SYDE2: variants seen among roughly 807,000 people sequenced by gnomAD.
The protein encoded by SYDE2 is synapse defective Rho GTPase homolog 2.
Under a neutral mutation model 91.5 loss-of-function variants are expected in SYDE2, and 76 were observed. The observed-to-expected ratio is 0.83, with a 90% CI of 0.69 to 1.01. SYDE2 has a LOEUF of 1.01. Ranked by LOEUF, SYDE2 falls within the 50% of genes least tolerant of loss-of-function variation. The pLI is 0.00. For missense variants in SYDE2, 1,364 were observed against 1,367.7 expected (o/e 1.00, Z 0.04); for synonymous variants, 513 against 506.4 (o/e 1.01, Z -0.18).
In SYDE2 at chr1:85,177,743, C is replaced by T. The variant is rs115061438; in HGVS notation, c.2671+403G>A. Among the ~76,000 whole-genome samples the T allele has an allele frequency of 8.1e-3, 1,227 of 152,242 alleles. 13 individuals carry two copies. The highest frequency in any genetic ancestry group is 0.028 in the African/African-American group (1,165 of 41,546). On this transcript the variant is annotated intron_variant, in intron 4 of 6. Coordinates refer to ENST00000341460, the MANE Select transcript of SYDE2 (RefSeq NM_032184.2). ...CCTGAAAATAATCTCTATGATATCA[C>T]TCCCCCACTCAAAAAATCTTAATGG...
intron 4 of SYDE2, among the ~76,000 whole-genome samples, chr1:85,177,182 T>C (rs1166764980): frequency 1.3e-5 from 2 of 152,160 alleles, no homozygotes; most frequent in Non-Finnish European, 2.9e-5. Flanking sequence ...CTTTTCAAAC[T>C]TTATGGACAA....
intron 5 of SYDE2, among the ~76,000 whole-genome samples, chr1:85,166,069 T>C (rs1176947672): frequency 6.6e-6 from 1 of 151,884 alleles, no homozygotes; most frequent in Non-Finnish European, 1.5e-5. Context: ...AGGCCAGGCA[T>C]GTGGCTCTTG....
intron 1 of SYDE2, among the ~76,000 whole-genome samples, chr1:85,198,440 T>C (rs1393755244): frequency 2.0e-5 from 3 of 152,174 alleles, no homozygotes; most frequent in East Asian, 1.9e-4. Flanking sequence ...ATTATTTTCA[T>C]CTCTCCTGAA....
chr1:85,200,247 C>T lies in SYDE2; in HGVS notation c.745+5G>A, dbSNP rs775450566. On this transcript the variant is annotated splice_donor_5th_base_variant and intron_variant, in intron 1 of 6. Coordinates refer to ENST00000341460, the MANE Select transcript of SYDE2 (RefSeq NM_032184.2). ...TGCTAGCATTTTCATCGCAAAGTAT[C>T]CTACCTGTCAGCGTAATTCTTTGGT... is the stretch of plus-strand genomic sequence containing the variant. The T allele has an allele frequency of 6.2e-7, 1 of 1,613,860 alleles. No individual in the cohort carries two copies. Among genetic ancestry groups the T allele is most frequent in the South Asian group, 1.1e-5 (1 of 91,070 alleles).
intron 6 of SYDE2, among the ~76,000 whole-genome samples, chr1:85,163,471 AT>A (rs1222585669): frequency 4.2e-5 from 6 of 142,174 alleles, no homozygotes; most frequent in African/African-American, 1.5e-4. Flanking sequence ...ATATATATAT[AT>A]ATATATATAA....
chr1:85,172,361 A>G (rs1657532668), intron 4 of SYDE2, among the ~76,000 whole-genome samples: 1 of 152,188 alleles, frequency 6.6e-6, no homozygotes, highest in Non-Finnish European at 1.5e-5. Flanking sequence ...AGCTGATAGG[A>G]AAACATACAA....
intron 1 of SYDE2, 184 bp downstream of exon 1, chr1:85,200,068 C>A: frequency 2.4e-6 from 2 of 846,420 alleles, no homozygotes; most frequent in Non-Finnish European, 2.8e-6. Flanking sequence ...AAAAGCAAAA[C>A]GAGTAAATGC....
intron 1 of SYDE2, among the ~76,000 whole-genome samples, chr1:85,199,662 A>G (rs1262097197): frequency 6.6e-6 from 1 of 152,014 alleles, no homozygotes; most frequent in East Asian, 1.9e-4. Flanking sequence ...GAGATGGTGT[A>G]TGTGAAATAC....
At position 85,169,805 on chromosome 1, in the gene SYDE2, C is replaced by A. The variant is rs185599904; in HGVS notation, c.2672-580G>T. Among the ~76,000 whole-genome samples, 10 of 152,036 alleles carry A rather than the reference C, an allele frequency of 6.6e-5. No homozygotes were observed. In the East Asian group the frequency reaches 1.9e-3, roughly 29 times the overall value. ...ATTCCTAAAACCAAACAAATAAAAC[C>A]AAAAGCTAAGAACAGAAAACATCAG... On this transcript the variant is annotated intron_variant, in intron 4 of 6. Transcript: ENST00000341460.
chr1:85,178,052 CAA>C, intron 4 of SYDE2, 92 bp downstream of exon 4: 1 of 1,081,772 alleles, frequency 9.2e-7, no homozygotes, highest in Non-Finnish European at 1.3e-6. Flanking sequence ...AGAATAAAAA[CAA>C]ATTAAATTTC....
chr1:85,159,618 A>G (rs1207094228), intron 6 of SYDE2, among the ~76,000 whole-genome samples: 1 of 152,228 alleles, frequency 6.6e-6, no homozygotes, highest in Non-Finnish European at 1.5e-5. Context: ...GGCAAGGCAT[A>G]TTGGTGTACA....
chr1:85,197,818 C>G (rs1013562934), intron 1 of SYDE2, among the ~76,000 whole-genome samples: 6 of 152,004 alleles, frequency 3.9e-5, no homozygotes, highest in Non-Finnish European at 8.8e-5. Context: ...CCACGCCCGG[C>G]TAATTTTTTG....
intron 1 of SYDE2, among the ~76,000 whole-genome samples, chr1:85,197,796 A>G (rs1658646725): frequency 1.3e-5 from 2 of 152,010 alleles, no homozygotes; most frequent in East Asian, 1.9e-4. Context: ...CTGGGACTAC[A>G]GGCACCCACC....
At chr1:85,198,169 T>C (rs2100698310) in intron 1 of SYDE2, among the ~76,000 whole-genome samples, 1 of 152,296 alleles carries the variant, frequency 6.6e-6, no homozygotes, top group East Asian at 1.9e-4. Context: ...TCATGACGCC[T>C]TGGGTTTGAA....
At chr1:85,193,489 T>C (rs544797967) in intron 1 of SYDE2, among the ~76,000 whole-genome samples, 1 of 152,312 alleles carries the variant, frequency 6.6e-6, no homozygotes, top group South Asian at 2.1e-4. Context: ...TGACATACAC[T>C]ATAAATGAGT....
At position 85,182,546 on chromosome 1, in the gene SYDE2, G is replaced by T. The variant is rs769930014; in HGVS notation, c.2096C>A (p.Ser699Ter). 4.3e-6 allele frequency: 7 copies of T among 1,613,884 alleles called. No individual in the cohort carries two copies. The East Asian group carries it at 1.6e-4, about 36-fold the overall frequency. The change falls in exon 3 of 7, where the codon TCA becomes TAA. Residue 699 changes from serine (S) to a stop codon, truncating the protein, a stop_gained. Transcript: ENST00000341460. LOFTEE classifies it high-confidence loss of function. The stretch of plus-strand genomic sequence containing the variant: ...CTGAATTGCACAAAAGACGTCTTTT[G>T]AATCTATCCGAGGTGGTTTTAAATC... ...AEDLKPPRIDSKDVFCAIQVD... is the reference protein window; with the variant it reads ...AEDLKPPRID
Position 85,182,295 on chromosome 1 carries a change from C to G in SYDE2, c.2347G>C (p.Glu783Gln). ...TKTHQLAVKLEPRGLIYVKVT... is the reference protein window; with the variant it reads ...TKTHQLAVKLQPRGLIYVKVT... The stretch of plus-strand genomic sequence containing the variant: ...TTCACATAAATAAGACCTCTAGGTT[C>G]AAGTTTGACAGCCAACTGATGAGTC... The change falls in exon 3 of 7, where the codon GAA becomes CAA. Residue 783 changes from glutamate (E) to glutamine (Q), a missense_variant. Glu to Gln is a conservative substitution (Grantham distance 29). Transcript: ENST00000341460. 6.2e-7 allele frequency: 1 copy of G among 1,613,750 alleles called. No individual in the cohort carries two copies. Among genetic ancestry groups the G allele is most frequent in the Non-Finnish European group, 8.5e-7 (1 of 1,179,818 alleles).
intron 4 of SYDE2, 142 bp downstream of exon 4, chr1:85,178,004 A>G: frequency 1.3e-6 from 1 of 745,538 alleles, no homozygotes; most frequent in Non-Finnish European, 2.1e-6. Flanking sequence ...ATAGAAAATA[A>G]CACAGTAAGT....
chr1:85,173,609 C>G (rs551542412), intron 4 of SYDE2, among the ~76,000 whole-genome samples: 1 of 152,106 alleles, frequency 6.6e-6, no homozygotes, highest in South Asian at 2.1e-4. Flanking sequence ...AAAAGCAAGA[C>G]TAAAAAAACT....
Sources: gnomAD v4.1 joint callset for allele counts (sites outside exome capture counted in the v4.1 genomes callset) on GRCh38, gnomAD v4.1.1 for gene constraint, MANE v1.5 for transcripts, NCBI Gene and HGNC (gene_info 2026-07-23, HGNC 2026-07-21) for gene names.